Variants in ANKRD30BL observed in about 807,000 individuals in gnomAD.
The protein encoded by ANKRD30BL is putative ankyrin repeat domain-containing protein 30B-like.
A neutral mutation model predicts 18.4 loss-of-function variants in ANKRD30BL; 20 were observed. The observed-to-expected ratio is 1.09, with a 90% CI of 0.77 to 1.58. ANKRD30BL has a LOEUF of 1.58. Ranked by LOEUF, ANKRD30BL falls within the 40% of genes most tolerant of loss-of-function variation. The probability of loss-of-function intolerance (pLI) is 0.00; values close to 1 mark genes in which losing one functional copy is unlikely to be tolerated. For synonymous variants in ANKRD30BL, 72 were observed against 100.9 expected, an observed-to-expected ratio of 0.71 and a Z score of 1.72; for missense variants, 224 against 268.6, an observed-to-expected ratio of 0.83 and a Z score of 1.16.
chr2:132,219,020 GT>G (rs1679592171), intron 1 of ANKRD30BL, among the ~76,000 whole-genome samples: 1 of 152,172 alleles, frequency 6.6e-6, no homozygotes, highest in African/African-American at 2.4e-5. Flanking sequence ...TCTTTGTGCT[GT>G]GTGCATTCAA....
chr2:132,220,350 GTCCCTCTCCCTCTCCCTC>G lies in ANKRD30BL; in HGVS notation n.441+37161_441+37178del. ...TGTCCCTCTCCCTCTCCCTCTCCCT[GTCCCTCTCCCTCTCCCTC>G]TCCCTCTCCCCACGGTCTCCTTCCA... On this transcript the variant is annotated intron_variant and non_coding_transcript_variant, in intron 1 of 4. Transcript: ENST00000470729. Among the ~76,000 whole-genome samples, 3 of 80,194 alleles carry G rather than the reference GTCCCTCTCCCTCTCCCTC, an allele frequency of 3.7e-5. 1 individual carries two copies. In the South Asian group the frequency reaches 1.5e-3, roughly 40 times the overall value. The allele number at this position is 80,194 out of a possible 152,430, so 52.6% of individuals were successfully genotyped here. A position where few individuals can be genotyped will look rare whatever the true frequency, so the allele number is the denominator to read the frequency against.
chr2:132,231,183 T>G (rs541523482), intron 1 of ANKRD30BL, among the ~76,000 whole-genome samples: 1 of 152,330 alleles, frequency 6.6e-6, no homozygotes, highest in East Asian at 1.9e-4. Flanking sequence ...AGAAGCATTC[T>G]CAGAAACTTC....
chr2:132,157,173 T>G, intron 2 of ANKRD30BL, 27 bp from the exon 3 acceptor site: 2 of 1,346,312 alleles, frequency 1.5e-6, no homozygotes, highest in East Asian at 5.1e-5. Flanking sequence ...AAAAAGTAAA[T>G]TATAAATTAT....
intron 1 of ANKRD30BL, among the ~76,000 whole-genome samples, chr2:132,187,193 T>TG (rs1688579669): frequency 4.3e-5 from 6 of 140,744 alleles, no homozygotes; most frequent in South Asian, 2.3e-4. Context: ...TGTTTGTTTT[T>TG]TTTTTTTTTT....
intron 1 of ANKRD30BL, among the ~76,000 whole-genome samples, chr2:132,203,345 A>G (rs1558930939): frequency 2.0e-5 from 3 of 152,248 alleles, no homozygotes; most frequent in Admixed American, 1.3e-4. Context: ...AGGAAGTTAA[A>G]AAAAAGTGAC....
intron 1 of ANKRD30BL, among the ~76,000 whole-genome samples, chr2:132,169,540 A>G (rs1688241047): frequency 6.6e-6 from 1 of 151,106 alleles, no homozygotes; most frequent in African/African-American, 2.4e-5. Context: ...TCATCTATTC[A>G]GGAGGCTGAG....
chr2:132,256,132 T>C (rs1431230392), intron 1 of ANKRD30BL, among the ~76,000 whole-genome samples: 3 of 152,238 alleles, frequency 2.0e-5, no homozygotes, highest in Admixed American at 6.5e-5. Context: ...CAGCCCTGCG[T>C]ACTTAGACAT....
At chr2:132,226,273 G>C (rs530191784) in intron 1 of ANKRD30BL, among the ~76,000 whole-genome samples, 2 of 151,450 alleles carry the variant, frequency 1.3e-5, no homozygotes, top group African/African-American at 4.9e-5. Flanking sequence ...TGATAGAACA[G>C]GTTTGACACA....
chr2:132,232,968 C>G (rs984627244), intron 1 of ANKRD30BL, among the ~76,000 whole-genome samples: 10 of 152,070 alleles, frequency 6.6e-5, no homozygotes, highest in African/African-American at 2.2e-4. Context: ...GGAAGCCCAC[C>G]AGACTAACAG....
At chr2:132,230,728 G>C (rs999606443) in intron 1 of ANKRD30BL, among the ~76,000 whole-genome samples, 1 of 151,862 alleles carries the variant, frequency 6.6e-6, no homozygotes, top group African/African-American at 2.4e-5. Flanking sequence ...CCTTGCTTTT[G>C]ATAGAGCAGA....
At chr2:132,170,199 T>C (rs1344282615) in intron 1 of ANKRD30BL, among the ~76,000 whole-genome samples, 3 of 152,190 alleles carry the variant, frequency 2.0e-5, no homozygotes, top group African/African-American at 7.2e-5. Context: ...GGACAACATA[T>C]TATTATTGTA....
intron 1 of ANKRD30BL, among the ~76,000 whole-genome samples, chr2:132,223,292 C>G (rs79535655): frequency 6.6e-6 from 1 of 151,984 alleles, no homozygotes. Flanking sequence ...CACATAAACA[C>G]TAGACAGAAG....
intron 1 of ANKRD30BL, among the ~76,000 whole-genome samples, chr2:132,255,334 C>G (rs1415995266): frequency 1.3e-5 from 2 of 151,992 alleles, no homozygotes; most frequent in Admixed American, 6.6e-5. Context: ...GAACTGTGGT[C>G]CTATTCCATT....
chr2:132,177,884 G>GT (rs1321220840), intron 1 of ANKRD30BL, among the ~76,000 whole-genome samples: 9 of 151,794 alleles, frequency 5.9e-5, no homozygotes, highest in South Asian at 2.1e-4. Context: ...TTTTTTGTTT[G>GT]TTTTTTTGTT....
chr2:132,184,614 C>T (rs1400393637), intron 1 of ANKRD30BL, among the ~76,000 whole-genome samples: 1 of 152,052 alleles, frequency 6.6e-6, no homozygotes, highest in African/African-American at 2.4e-5. Context: ...TATCCCCAAG[C>T]CTGGAAATAA....
intron 1 of ANKRD30BL, among the ~76,000 whole-genome samples, chr2:132,253,621 C>T (rs1680728723): frequency 6.6e-6 from 1 of 152,084 alleles, no homozygotes; most frequent in Admixed American, 6.5e-5. Flanking sequence ...GCAAGTGTGG[C>T]GTGGCCCCAG....
At chr2:132,220,734 C>T (rs1192978619) in intron 1 of ANKRD30BL, among the ~76,000 whole-genome samples, 3 of 152,048 alleles carry the variant, frequency 2.0e-5, no homozygotes, top group Non-Finnish European at 1.5e-5. Flanking sequence ...CTCCCAGCCG[C>T]CTGCCTTGAC....
chr2:132,205,646 AAAAT>A (rs1461511794), intron 1 of ANKRD30BL, among the ~76,000 whole-genome samples: 1 of 151,678 alleles, frequency 6.6e-6, no homozygotes, highest in Non-Finnish European at 1.5e-5. Context: ...AAGAAAGAAA[AAAAT>A]AAAAGAAAAA....
chr2:132,150,362 A>G (rs1485789057), intron 5 of ANKRD30BL, among the ~76,000 whole-genome samples: 2 of 147,814 alleles, frequency 1.4e-5, no homozygotes, highest in African/African-American at 5.2e-5. Flanking sequence ...TAATATTCAA[A>G]TGTTGCAGTT....
Sources: gnomAD v4.1 joint callset for allele counts (sites outside exome capture counted in the v4.1 genomes callset) on GRCh38, gnomAD v4.1.1 for gene constraint, MANE v1.5 for transcripts, NCBI Gene and HGNC (gene_info 2026-07-23, HGNC 2026-07-21) for gene names.